ERCC2: variants seen among roughly 807,000 people sequenced by gnomAD.
The protein encoded by ERCC2 is ERCC excision repair 2, TFIIH core complex helicase subunit.
Under a neutral mutation model 99.4 loss-of-function variants are expected in ERCC2, and 90 were observed. The observed-to-expected ratio is 0.91, with a 90% CI of 0.76 to 1.08. The LOEUF is 1.08. Ranked by LOEUF, ERCC2 falls within the 50% of genes least tolerant of loss-of-function variation. The probability of loss-of-function intolerance (pLI) is 0.00; values close to 1 mark genes in which losing one functional copy is unlikely to be tolerated. For missense variants in ERCC2, 993 were observed against 1,038.1 expected, an observed-to-expected ratio of 0.96 and a Z score of 0.60; for synonymous variants, 497 against 432.4, an observed-to-expected ratio of 1.15 and a Z score of -1.85.
chr19:45,370,460 G>A, intron 1 of ERCC2, 76 bp downstream of exon 1: 1 of 1,239,946 alleles, frequency 8.1e-7, no homozygotes, highest in Admixed American at 2.5e-5. Context: ...TGGGGACCCA[G>A]GCGCGCCCAC....
At chr19:45,357,235 C>T in intron 15 of ERCC2, 35 bp downstream of exon 15, 1 of 1,523,726 alleles carries the variant, frequency 6.6e-7, no homozygotes, top group South Asian at 1.1e-5. Flanking sequence ...CCCCCATCTC[C>T]CCTCCCGGCC....
intron 1 of ERCC2, 45 bp from the exon 2 acceptor site, chr19:45,370,277 T>A: frequency 6.2e-7 from 1 of 1,602,046 alleles, no homozygotes; most frequent in African/African-American, 1.3e-5. Flanking sequence ...CCTCAGCCCC[T>A]CTCCCGCCTC....
At chr19:45,355,536 G>T in intron 16 of ERCC2, 129 bp downstream of exon 16, 1 of 882,264 alleles carries the variant, frequency 1.1e-6, no homozygotes, top group Non-Finnish European at 1.9e-6. Flanking sequence ...GTGTACCACG[G>T]GCAAGAAGGA....
Position 45,354,871 on chromosome 19 carries a change from GGGCCCTCTCCT to G in ERCC2, c.1544-31_1544-21del, listed in dbSNP as rs758820923. On this transcript the variant is annotated intron_variant, in intron 16 of 22. Coordinates refer to ENST00000391945, the MANE Select transcript of ERCC2 (RefSeq NM_000400.4). ...TCACAGCTGCAAGGGGTCAGAGGTT[GGGCCCTCTCCT>G]GGCCCAGGTCCTCCTCCCTTCTCTG... The G allele has an allele frequency of 5.0e-6, 8 of 1,613,596 alleles. No individual in the cohort carries two copies. Among genetic ancestry groups the G allele is most frequent in the Non-Finnish European group, 6.8e-6 (8 of 1,179,772 alleles).
Position 45,349,976 on chromosome 19 carries a change from G to T in ERCC2, c.*1653C>A, listed in dbSNP as rs971206320. On this transcript the variant is annotated 3_prime_UTR_variant, in exon 23 of 23. Coordinates refer to ENST00000391945, the MANE Select transcript of ERCC2 (RefSeq NM_000400.4). ...CGTGTGGGAAGACTGAGGCACCGAGGCCATGCCACCAGCCCAAAGTACAGC... is the reference window on the plus strand; with the variant it reads ...CGTGTGGGAAGACTGAGGCACCGAGTCCATGCCACCAGCCCAAAGTACAGC... The T allele has an allele frequency of 9.6e-6, 4 of 418,768 alleles. No homozygotes were observed. Among genetic ancestry groups the T allele is most frequent in the Non-Finnish European group, 1.7e-5 (4 of 232,264 alleles). The allele number at this position is 418,768 out of a possible 1,614,324, so 25.9% of individuals were successfully genotyped here.
At chr19:45,354,000 T>G (rs1037768473) in intron 17 of ERCC2, among the ~76,000 whole-genome samples, 22 of 152,218 alleles carry the variant, frequency 1.4e-4, no homozygotes, top group African/African-American at 5.1e-4. Context: ...GGGTCACCTT[T>G]CCCGCCGCGT....
At chr19:45,365,282 A>C in intron 5 of ERCC2, 124 bp from the exon 6 acceptor site, 2 of 752,812 alleles carry the variant, frequency 2.7e-6, no homozygotes, top group Non-Finnish European at 4.7e-6. Flanking sequence ...CTGTTGCATT[A>C]TTAGTTAAGA....
intron 12 of ERCC2, among the ~76,000 whole-genome samples, chr19:45,359,572 C>A (rs1313060811): frequency 6.6e-6 from 1 of 152,198 alleles, no homozygotes; most frequent in Non-Finnish European, 1.5e-5. Context: ...ACCTGAAAAT[C>A]TGAACATCAG....
chr19:45,350,477 ATGTCCCCATCTCAG>A lies in ERCC2; in HGVS notation c.*1138_*1151del, dbSNP rs1490695939. 3.1e-6 allele frequency: 5 copies of A among 1,612,356 alleles called. No homozygotes were observed. The highest frequency in any genetic ancestry group is 1.3e-5 in the African/African-American group (1 of 74,720). ...TGTCTTCCCTCCTGGTGGCTTCTCT[ATGTCCCCATCTCAG>A]TGTCCCCCATCTTTCCCCCTAGGTG... On this transcript the variant is annotated 3_prime_UTR_variant, in exon 23 of 23. Transcript: ENST00000391945.
Position 45,370,556 on chromosome 19 carries a change from G to C in ERCC2, c.-16C>G. On this transcript the variant is annotated 5_prime_UTR_variant, in exon 1 of 23. Transcript: ENST00000391945. ...CTCACTTCATGGCGCCGGCCGGACT[G>C]TGCAGCGGGGTCGACCCGCCTCCCT... The C allele has an allele frequency of 6.3e-7, 1 of 1,592,418 alleles. No homozygotes were observed. The highest frequency in any genetic ancestry group is 1.7e-5 in the Admixed American group (1 of 58,978).
At chr19:45,362,871 G>T (rs1972273893) in intron 11 of ERCC2, among the ~76,000 whole-genome samples, 1 of 152,246 alleles carries the variant, frequency 6.6e-6, no homozygotes, top group African/African-American at 2.4e-5. Context: ...CGGGCACAGT[G>T]CTGTGTGGCT....
At position 45,370,523 on chromosome 19, in the gene ERCC2, G is replaced by T; in HGVS notation, c.5+13C>A. On this transcript the variant is annotated intron_variant, in intron 1 of 22. Coordinates refer to ENST00000391945, the MANE Select transcript of ERCC2 (RefSeq NM_000400.4). ...CGCCCGCTAGCGAGCGCGACCCCCAGCCCCCTTCTCACTTCATGGCGCCGG... is the reference window on the plus strand; with the variant it reads ...CGCCCGCTAGCGAGCGCGACCCCCATCCCCCTTCTCACTTCATGGCGCCGG... The T allele has an allele frequency of 1.5e-6, 2 of 1,355,036 alleles. No homozygotes were observed. Among genetic ancestry groups the T allele is most frequent in the Non-Finnish European group, 2.0e-6 (2 of 1,024,314 alleles). The allele number at this position is 1,355,036 out of a possible 1,614,324, so 83.9% of individuals were successfully genotyped here.
intron 5 of ERCC2, among the ~76,000 whole-genome samples, chr19:45,367,519 A>ATTT (rs11429224): frequency 1.3e-4 from 19 of 144,464 alleles, no homozygotes; most frequent in African/African-American, 4.3e-4. Flanking sequence ...AGTGAGTACA[A>ATTT]TTTTTTTTTT....
At chr19:45,354,649 G>A (rs1971949838) in intron 17 of ERCC2, 81 bp downstream of exon 17, 1 of 1,569,656 alleles carries the variant, frequency 6.4e-7, no homozygotes, top group Admixed American at 1.7e-5. Flanking sequence ...CCATCAGAGT[G>A]TGAGAGGAAT....
chr19:45,364,288 C>G lies in ERCC2; in HGVS notation c.762G>C (p.Arg254=). ...IDSMSVNLTR[R]TLDRCQGNLE... is the part of the protein sequence containing the mutation. The stretch of plus-strand genomic sequence containing the variant: ...GGTTGCCCTGGCACCGGTCAAGGGT[C>G]CGGCGGGTGAGGTTGACGCTCATGG... Residue 254 remains arginine (R), a synonymous_variant, in exon 9 of 23, where the codon CGG becomes CGC. Coordinates refer to ENST00000391945, the MANE Select transcript of ERCC2 (RefSeq NM_000400.4). The G allele has an allele frequency of 6.2e-7, 1 of 1,614,006 alleles. No individual in the cohort carries two copies.
At chr19:45,365,772 C>T (rs374034758) in intron 5 of ERCC2, among the ~76,000 whole-genome samples, 1 of 139,398 alleles carries the variant, frequency 7.2e-6, no homozygotes. Context: ...CCCTGGGCCA[C>T]GGAGCCAGAC....
At chr19:45,365,219 C>T (rs1186042850) in intron 5 of ERCC2, 61 bp from the exon 6 acceptor site, 1 of 1,300,468 alleles carries the variant, frequency 7.7e-7, no homozygotes, top group Non-Finnish European at 1.1e-6. Flanking sequence ...TCTTCAAACC[C>T]TGGTCTCCAC....
chr19:45,359,602 T>TG (rs1044495552), intron 12 of ERCC2, among the ~76,000 whole-genome samples: 6 of 152,168 alleles, frequency 3.9e-5, no homozygotes, highest in African/African-American at 1.2e-4. Flanking sequence ...CTCTTGTCCC[T>TG]GGTCCCAAAA....
rs1221589468 is a variant in ERCC2, at chr19:45,350,906, G to C, written c.*723C>G. ...TGCTGGAAAGGTCCCTCGTGGAGGG[G>C]GGCCACTCCTGGATTCACTCATTTC... On this transcript the variant is annotated 3_prime_UTR_variant, in exon 23 of 23. Coordinates refer to ENST00000391945, the MANE Select transcript of ERCC2 (RefSeq NM_000400.4). 6.3e-7 allele frequency: 1 copy of C among 1,595,068 alleles called. No homozygotes were observed. Among genetic ancestry groups the C allele is most frequent in the Middle Eastern group, 1.7e-4 (1 of 6,032 alleles).
Sources: gnomAD v4.1 joint callset for allele counts (sites outside exome capture counted in the v4.1 genomes callset) on GRCh38, gnomAD v4.1.1 for gene constraint, MANE v1.5 for transcripts, NCBI Gene and HGNC (gene_info 2026-07-23, HGNC 2026-07-21) for gene names.